Variants in TAPT1 observed in about 807,000 individuals in gnomAD.
TAPT1 encodes transmembrane anterior posterior transformation protein 1 homolog.
Under a neutral mutation model 65.6 loss-of-function variants are expected in TAPT1, and 28 were observed. The observed-to-expected ratio is 0.43, with a 90% CI of 0.32 to 0.59. The LOEUF is 0.59. TAPT1 is among the 20% of genes least tolerant of loss of function. The pLI is 0.09. For synonymous variants in TAPT1, 278 were observed against 245.2 expected, an observed-to-expected ratio of 1.13 and a Z score of -1.25; for missense variants, 563 against 679.9, an observed-to-expected ratio of 0.83 and a Z score of 1.91.
chr4:16,192,055 T>C (rs1468131621), intron 3 of TAPT1, among the ~76,000 whole-genome samples: 1 of 152,244 alleles, frequency 6.6e-6, no homozygotes. Flanking sequence ...AGATTTCTAG[T>C]CTTTTGCAAT....
chr4:16,165,773 C>T (rs752076198), intron 13 of TAPT1, among the ~76,000 whole-genome samples: 1 of 152,120 alleles, frequency 6.6e-6, no homozygotes, highest in Non-Finnish European at 1.5e-5. Flanking sequence ...AAATACTTCA[C>T]GCAAACCTCC....
chr4:16,167,587 G>T (rs1470803083), intron 12 of TAPT1, among the ~76,000 whole-genome samples: 2 of 152,160 alleles, frequency 1.3e-5, no homozygotes, highest in Non-Finnish European at 2.9e-5. Context: ...ATGGACTCTG[G>T]GGTGAAGTGT....
intron 8 of TAPT1, 27 bp from the exon 9 acceptor site, chr4:16,176,255 G>C (rs78046649): frequency 3.3e-6 from 4 of 1,208,228 alleles, no homozygotes; most frequent in Non-Finnish European, 4.6e-6. Flanking sequence ...GAAAAACAAC[G>C]AAATATCTTA....
chr4:16,222,710 A>G (rs1384544846), intron 1 of TAPT1, among the ~76,000 whole-genome samples: 3 of 152,220 alleles, frequency 2.0e-5, no homozygotes, highest in Non-Finnish European at 2.9e-5. Context: ...AATTCAGTTG[A>G]CTTTTCTGGG....
intron 13 of TAPT1, among the ~76,000 whole-genome samples, chr4:16,166,293 C>T (rs1747612920): frequency 6.6e-6 from 1 of 152,232 alleles, no homozygotes; most frequent in Admixed American, 6.5e-5. Flanking sequence ...CTGCAGTTCC[C>T]CGTCACTTGA....
intron 9 of TAPT1, 125 bp from the exon 10 acceptor site, chr4:16,174,854 C>CA (rs1254730342): frequency 3.1e-5 from 19 of 611,766 alleles, no homozygotes; most frequent in Non-Finnish European, 4.8e-5. Context: ...ACCAAGCTGA[C>CA]ATCTGGGCAT....
At position 16,184,447 on chromosome 4, in the gene TAPT1, T is replaced by C. The variant is rs74924923; in HGVS notation, c.916+2088A>G. ...ATTTGGGTTGTTTCCAGTTTTTGGC[T>C]AGTATGAACAAAGCTGCCATAATAA... On this transcript the variant is annotated intron_variant, in intron 7 of 13. Transcript: ENST00000405303. Among the ~76,000 whole-genome samples, 1,045 of 152,332 alleles carry C rather than the reference T, an allele frequency of 6.9e-3. 5 individuals carry two copies. Among genetic ancestry groups the C allele is most frequent in the Non-Finnish European group, 7.1e-3 (485 of 68,026 alleles).
intron 1 of TAPT1, among the ~76,000 whole-genome samples, chr4:16,214,878 C>T (rs1286329134): frequency 6.6e-6 from 1 of 152,096 alleles, no homozygotes; most frequent in Non-Finnish European, 1.5e-5. Context: ...TTAATGTTCC[C>T]TCCAAAAAAT....
intron 1 of TAPT1, among the ~76,000 whole-genome samples, chr4:16,221,167 C>T (rs1273480980): frequency 2.0e-5 from 3 of 152,026 alleles, no homozygotes; most frequent in Non-Finnish European, 2.9e-5. Flanking sequence ...GTTGCCCAGG[C>T]GTGAGTGCAG....
intron 11 of TAPT1, among the ~76,000 whole-genome samples, chr4:16,171,920 C>T (rs1053230972): frequency 1.1e-4 from 16 of 151,982 alleles, no homozygotes; most frequent in African/African-American, 3.9e-4. Flanking sequence ...AATCATTTTA[C>T]GACCCAATGT....
chr4:16,200,837 GTAT>G (rs1402163578), intron 3 of TAPT1, among the ~76,000 whole-genome samples: 16 of 152,270 alleles, frequency 1.1e-4, no homozygotes, highest in African/African-American at 3.9e-4. Flanking sequence ...GGTTTTGTTA[GTAT>G]TAATGCACCA....
At chr4:16,170,094 C>A (rs1487101500) in intron 12 of TAPT1, among the ~76,000 whole-genome samples, 1 of 152,196 alleles carries the variant, frequency 6.6e-6, no homozygotes, top group Non-Finnish European at 1.5e-5. Context: ...ATGGCAAAAT[C>A]ATCATTTTAC....
chr4:16,175,127 T>C (rs1374051352), intron 9 of TAPT1: 2 of 152,520 alleles, frequency 1.3e-5, no homozygotes, highest in Non-Finnish European at 2.9e-5. Context: ...CTGAGAAAAA[T>C]GAATGCTGAA....
rs1240423595 is a variant in TAPT1 at position 16,176,195 on chromosome 4, A to G, written c.1031T>C (p.Met344Thr). 5.7e-6 allele frequency: 9 copies of G among 1,573,570 alleles called. No homozygotes were observed. Among genetic ancestry groups the G allele is most frequent in the Non-Finnish European group, 6.9e-6 (8 of 1,159,282 alleles). Residue 344 changes from methionine to threonine, a missense_variant, in exon 9 of 14, where the codon ATG (methionine) becomes ACG (threonine). Transcript: ENST00000405303. The part of the protein sequence containing the change: ...HLWVLFPDVC[M>T]VIASEIAVDI... Reference sequence around the variant, plus strand: ...CACGGCAATTTCTGATGCAATTACCATACAGACATCTGGAAACAACACCCA... The same window carrying G: ...CACGGCAATTTCTGATGCAATTACCGTACAGACATCTGGAAACAACACCCA...
At chr4:16,174,774 A>G (rs1318383113) in intron 9 of TAPT1, 45 bp from the exon 10 acceptor site, 1 of 1,360,148 alleles carries the variant, frequency 7.4e-7, no homozygotes, top group East Asian at 2.6e-5. Context: ...CAGTAAAAAT[A>G]TATAATGTGG....
At position 16,214,000 on chromosome 4, in the gene TAPT1, C is replaced by A. The variant is rs940698446; in HGVS notation, c.200-102G>T. On this transcript the variant is annotated intron_variant, in intron 1 of 13. Coordinates refer to ENST00000405303, the MANE Select transcript of TAPT1 (RefSeq NM_153365.3). Reference sequence around the variant, plus strand: ...TAATATACATATAAAACAAAGAGACCAAAATAAATGTTATCTATAATTCTA... The same window carrying A: ...TAATATACATATAAAACAAAGAGACAAAAATAAATGTTATCTATAATTCTA... 48 of 931,818 alleles carry A rather than the reference C, an allele frequency of 5.2e-5. No individual in the cohort carries two copies. In the African/African-American group the frequency reaches 7.4e-4, roughly 14 times the overall value. 57.7% of individuals were successfully genotyped at this position (931,818 alleles called of 1,614,324 possible).
At chr4:16,202,306 A>G (rs1009144040) in intron 3 of TAPT1, among the ~76,000 whole-genome samples, 156 bp downstream of exon 3, 1 of 152,168 alleles carries the variant, frequency 6.6e-6, no homozygotes, top group African/African-American at 2.4e-5. Context: ...TTATATAAAC[A>G]TATTATATAA....
chr4:16,215,489 A>G (rs1750885430), intron 1 of TAPT1, among the ~76,000 whole-genome samples: 1 of 152,130 alleles, frequency 6.6e-6, no homozygotes, highest in South Asian at 2.1e-4. Flanking sequence ...ATGTGTATGT[A>G]CACACATACA....
chr4:16,188,170 G>T (rs1174730784), intron 5 of TAPT1, 50 bp downstream of exon 5: 1 of 1,502,012 alleles, frequency 6.7e-7, no homozygotes, highest in South Asian at 1.3e-5. Context: ...ATAAAATAAG[G>T]TAGACTATGC....
Sources: allele counts gnomAD v4.1 joint callset (sites outside exome capture counted in the v4.1 genomes callset), GRCh38; gene constraint gnomAD v4.1.1; transcripts MANE v1.5; gene names NCBI Gene and HGNC (gene_info 2026-07-23, HGNC 2026-07-21).